ANK2: variants seen among roughly 807,000 people sequenced by gnomAD.
The protein encoded by ANK2 is ankyrin-2.
ANK2 carries 83 observed loss-of-function variants against 360.5 expected under a neutral mutation model. The observed-to-expected ratio is 0.23, with a 90% confidence interval of 0.19 to 0.28. The LOEUF is 0.28. ANK2 is among the 10% of genes least tolerant of loss of function. The pLI is 1.00. For missense variants in ANK2, 4,201 were observed against 4,795.7 expected (o/e 0.88, Z 3.66); for synonymous variants, 1,740 against 1,759.5 (o/e 0.99, Z 0.28).
intron 3 of ANK2, among the ~76,000 whole-genome samples, chr4:113,197,073 A>T (rs2098758041): frequency 6.6e-6 from 1 of 152,178 alleles, no homozygotes; most frequent in South Asian, 2.1e-4. Context: ...CCTACGGTTA[A>T]CTCATTGTTT....
At chr4:113,237,269 A>G in intron 6 of ANK2, 97 bp downstream of exon 6, 1 of 1,394,920 alleles carries the variant, frequency 7.2e-7, no homozygotes, top group East Asian at 2.3e-5. Flanking sequence ...ATAATGCAAA[A>G]TTATTTCTGG....
At chr4:113,342,057 A>G in intron 33 of ANK2, 141 bp downstream of exon 33, 3 of 894,204 alleles carry the variant, frequency 3.4e-6, no homozygotes, top group Non-Finnish European at 5.1e-6. Flanking sequence ...TAGAAGGTCA[A>G]CATCCAAAAT....
At position 112,928,314 on chromosome 4, in the gene ANK2, T is replaced by C. The variant is rs373419020; in HGVS notation, c.21+23800T>C. 1.4e-3 allele frequency among the ~76,000 whole-genome samples: 218 copies of C among 152,150 alleles called. 1 individual carries two copies. The highest frequency in any genetic ancestry group is 4.9e-3 in the African/African-American group (202 of 41,530). On this transcript the variant is annotated intron_variant, in intron 2 of 30. Coordinates refer to the ANK2 transcript ENST00000503271. ...GAAAAAGTCTTAAATAGAAAAATAG[T>C]ATGGTACTATAAAAATAGTATGGTA... is the stretch of plus-strand genomic sequence containing the variant.
At chr4:113,350,276 GT>G (rs1188692055) in intron 37 of ANK2, 27 bp downstream of exon 37, 9 of 1,591,842 alleles carry the variant, frequency 5.7e-6, no homozygotes, top group Non-Finnish European at 7.7e-6. Context: ...AATTGAGTTT[GT>G]TTGAAAGCTG....
chr4:113,365,776 T>G (rs2096505688), intron 41 of ANK2, among the ~76,000 whole-genome samples: 1 of 152,074 alleles, frequency 6.6e-6, no homozygotes, highest in Non-Finnish European at 1.5e-5. Flanking sequence ...ATGACCAAAC[T>G]TCCTATTTCT....
chr4:113,260,648 A>G (rs1194279816), intron 13 of ANK2, among the ~76,000 whole-genome samples: 1 of 152,196 alleles, frequency 6.6e-6, no homozygotes, highest in Non-Finnish European at 1.5e-5. Flanking sequence ...AATAGTTAAG[A>G]CATAGTAAAA....
At chr4:113,202,228 A>G (rs559548824) in intron 4 of ANK2, among the ~76,000 whole-genome samples, 3 of 152,308 alleles carry the variant, frequency 2.0e-5, no homozygotes, top group African/African-American at 7.2e-5. Context: ...GTGTGAGCCA[A>G]TCCCAAAACT....
intron 1 of ANK2, among the ~76,000 whole-genome samples, chr4:113,091,317 AC>A (rs1422072613): frequency 6.6e-6 from 1 of 152,214 alleles, no homozygotes; most frequent in African/African-American, 2.4e-5. Context: ...ATCCCAAATT[AC>A]CCTTAATTCT....
intron 45 of ANK2, among the ~76,000 whole-genome samples, chr4:113,374,384 A>G (rs11946150): frequency 0.06 from 9,190 of 152,302 alleles, 328 homozygotes; most frequent in South Asian, 0.11. Flanking sequence ...TCAGTTTCTC[A>G]TAGCTTTTAG....
intron 1 of ANK2, among the ~76,000 whole-genome samples, chr4:113,156,995 G>A (rs556755947): frequency 6.6e-6 from 1 of 151,818 alleles, no homozygotes; most frequent in East Asian, 1.9e-4. Flanking sequence ...GGCATGAAAG[G>A]GCATAGACAT....
At chr4:113,332,103 T>A in intron 28 of ANK2, 33 bp downstream of exon 28, 1 of 1,538,636 alleles carries the variant, frequency 6.5e-7, no homozygotes, top group East Asian at 2.2e-5. Flanking sequence ...TGATGGCTGC[T>A]GGCCCCCCAT....
chr4:113,078,226 T>C (rs890693148), intron 1 of ANK2, among the ~76,000 whole-genome samples: 1 of 152,232 alleles, frequency 6.6e-6, no homozygotes, highest in African/African-American at 2.4e-5. Flanking sequence ...TATGCTACTT[T>C]GTAATGTGAT....
At chr4:112,902,250 T>C (rs924510295) in intron 1 of ANK2, among the ~76,000 whole-genome samples, 1 of 152,234 alleles carries the variant, frequency 6.6e-6, no homozygotes, top group Non-Finnish European at 1.5e-5. Context: ...TAGCTTTGTG[T>C]CTTTGGCAGT....
At chr4:112,970,701 G>A (rs1319490182) in intron 2 of ANK2, among the ~76,000 whole-genome samples, 1 of 152,100 alleles carries the variant, frequency 6.6e-6, no homozygotes, top group Non-Finnish European at 1.5e-5. Flanking sequence ...TTAATGGTGG[G>A]GAGAGTGGGT....
chr4:113,011,467 A>G (rs1007490665), intron 2 of ANK2, among the ~76,000 whole-genome samples: 2 of 152,138 alleles, frequency 1.3e-5, no homozygotes, highest in Non-Finnish European at 1.5e-5. Flanking sequence ...AGACCCAAAG[A>G]AGCAGTTAGA....
intron 2 of ANK2, among the ~76,000 whole-genome samples, chr4:112,987,019 T>C (rs1465629822): frequency 6.6e-6 from 1 of 152,174 alleles, no homozygotes; most frequent in Non-Finnish European, 1.5e-5. Context: ...ACACTAACAA[T>C]AGCTGATGAG....
intron 3 of ANK2, among the ~76,000 whole-genome samples, chr4:113,196,797 G>A (rs1158327818): frequency 6.6e-6 from 1 of 152,138 alleles, no homozygotes; most frequent in African/African-American, 2.4e-5. Flanking sequence ...GATTATAGGC[G>A]TGAACCACCA....
At chr4:112,775,515 T>TCTCACACACACACACACACA in the ANK2 span, among the ~76,000 whole-genome samples, 1 of 118,066 alleles carries the variant, frequency 8.5e-6, no homozygotes, top group Admixed American at 8.9e-5. Context: ...CTAAGCTCCA[T>TCTCACACACACACACACACA]CACACACACA....
At chr4:112,771,807 G>A in the ANK2 span, among the ~76,000 whole-genome samples, 1 of 152,038 alleles carries the variant, frequency 6.6e-6, no homozygotes, top group Non-Finnish European at 1.5e-5. Context: ...GGATGGTCTC[G>A]ATCTCCTGAC....
Sources: allele counts gnomAD v4.1 joint callset (sites outside exome capture counted in the v4.1 genomes callset), GRCh38; gene constraint gnomAD v4.1.1; transcripts MANE v1.5; gene names NCBI Gene and HGNC (gene_info 2026-07-23, HGNC 2026-07-21).